The following B3GNT4 variants were observed in gnomAD, a reference collection of about 807,000 sequenced individuals.
The protein encoded by B3GNT4 is UDP-GlcNAc:betaGal beta-1,3-N-acetylglucosaminyltransferase 4, also known as N-acetyllactosaminide beta-1,3-N-acetylglucosaminyltransferase 4.
Under a neutral mutation model 2.7 loss-of-function variants are expected in B3GNT4, and 2 were observed. That is an observed-to-expected ratio of 0.73 (90% confidence interval 0.30 to 2.31). The LOEUF is 2.31. Among genes scored for constraint, B3GNT4 ranks in the 30% most tolerant of loss-of-function variants. B3GNT4 has a pLI of 0.12. For missense variants in B3GNT4, 708 were observed against 490.9 expected, an observed-to-expected ratio of 1.44 and a Z score of -4.18; for synonymous variants, 280 against 203.4, an observed-to-expected ratio of 1.38 and a Z score of -3.20.
rs754320135 is a variant in B3GNT4, at chr12:122,207,161, G to C, written c.910G>C (p.Asp304His). 1 of 1,613,838 alleles carries C rather than the reference G, an allele frequency of 6.2e-7. No homozygotes were observed. Among genetic ancestry groups the C allele is most frequent in the Non-Finnish European group, 8.5e-7 (1 of 1,179,956 alleles). ...IMEDAELFPI[D>H]DVFVGMCLRR... ...GGAAGATGCTGAACTCTTCCCCATT[G>C]ATGATGTCTTTGTGGGTATGTGCCT... is the stretch of plus-strand genomic sequence containing the variant. The change falls in exon 3 of 3, where the codon GAT (aspartate) becomes CAT (histidine). Residue 304 changes from aspartate to histidine, a missense_variant. By Grantham distance (81) the Asp-to-His change is moderately conservative. Coordinates refer to ENST00000324189, the MANE Select transcript of B3GNT4 (RefSeq NM_030765.4).
Position 122,207,222 on chromosome 12 carries a change from G to A in B3GNT4, c.971G>A (p.Gly324Asp), listed in dbSNP as rs772787556. The change falls in exon 3 of 3, where the codon GGC becomes GAC. Residue 324 changes from glycine (G) to aspartate (D), a missense_variant. Gly to Asp is a moderately conservative substitution (Grantham distance 94). Coordinates refer to ENST00000324189, the MANE Select transcript of B3GNT4 (RefSeq NM_030765.4). ...GGGCTGAGCCCTATGCACCATGCTG[G>A]CTTCAAGACATTTGGAATCCGGCGG... ...RLGLSPMHHA[G>D]FKTFGIRRPL... The A allele has an allele frequency of 5.6e-6, 9 of 1,614,092 alleles. No individual in the cohort carries two copies. The East Asian group carries it at 8.9e-5, about 16-fold the overall frequency.
Position 122,206,353 on chromosome 12 carries a change from C to T in B3GNT4, c.102C>T (p.Val34=). Residue 34 remains valine, a synonymous_variant, in exon 3 of 3, where the codon GTC becomes GTT. Coordinates refer to ENST00000324189, the MANE Select transcript of B3GNT4 (RefSeq NM_030765.4). ...PAMLCRLCWL[V]SYSLAVLLLG... is the part of the protein sequence containing the mutation. Reference sequence around the variant, plus strand: ...TGCTCTGCAGGCTGTGCTGGCTGGTCTCGTACAGCTTGGCTGTGCTGTTGC... The same window carrying T: ...TGCTCTGCAGGCTGTGCTGGCTGGTTTCGTACAGCTTGGCTGTGCTGTTGC... 1 of 1,600,122 alleles carries T rather than the reference C, an allele frequency of 6.2e-7. No individual in the cohort carries two copies. The highest frequency in any genetic ancestry group is 8.5e-7 in the Non-Finnish European group (1 of 1,174,144).
rs1269351521 is a variant in B3GNT4, at chr12:122,208,103, G to A, written c.*715G>A. On this transcript the variant is annotated 3_prime_UTR_variant, in exon 3 of 3. Coordinates refer to ENST00000324189, the MANE Select transcript of B3GNT4 (RefSeq NM_030765.4). ...TCTCTCTGACCCAGGTAGGCAAAAT[G>A]CTTTGGGTGTGAGGTAAAAAAAATG... 3.1e-6 allele frequency: 2 copies of A among 642,288 alleles called. No individual in the cohort carries two copies. Among genetic ancestry groups the A allele is most frequent in the Non-Finnish European group, 5.7e-6 (2 of 347,902 alleles). The allele number at this position is 642,288 out of a possible 1,614,324, so 39.8% of individuals were successfully genotyped here.
In B3GNT4 at chr12:122,206,752, A is replaced by T. The variant is rs1423512277; in HGVS notation, c.501A>T (p.Pro167=). ...FLLGVAGSAP[P]AQLLAYESRE... The stretch of plus-strand genomic sequence containing the variant: ...TAGGGGTGGCAGGATCCGCTCCCCC[A>T]GCCCAGCTGCTGGCCTATGAGAGTA... The change falls in exon 3 of 3, where the codon CCA becomes CCT. Residue 167 remains proline (P), a synonymous_variant. Coordinates refer to ENST00000324189, the MANE Select transcript of B3GNT4 (RefSeq NM_030765.4). The T allele has an allele frequency of 6.2e-7, 1 of 1,606,210 alleles. No homozygotes were observed. The highest frequency in any genetic ancestry group is 1.7e-5 in the Admixed American group (1 of 59,590).
Position 122,207,720 on chromosome 12 carries a change from C to T in B3GNT4, c.*332C>T. ...GATGCAAACAAAATCTTACACTCTT[C>T]TCCTTTGGATACAATAGAGAAACGG... On this transcript the variant is annotated 3_prime_UTR_variant, in exon 3 of 3. Transcript: ENST00000324189. The T allele has an allele frequency of 1.9e-6, 1 of 531,034 alleles. No individual in the cohort carries two copies. The highest frequency in any genetic ancestry group is 3.6e-6 in the Non-Finnish European group (1 of 277,644). 32.9% of individuals were successfully genotyped at this position (531,034 alleles called of 1,614,324 possible).
rs529236293 is a variant in B3GNT4, at chr12:122,207,045, C to T, written c.794C>T (p.Ser265Leu). 1.2e-6 allele frequency: 2 copies of T among 1,613,840 alleles called. No homozygotes were observed. Among genetic ancestry groups the T allele is most frequent in the East Asian group, 4.5e-5 (2 of 44,882 alleles). The stretch of plus-strand genomic sequence containing the variant: ...AAGGTCAAATACTTCATCCCACCCT[C>T]AATGTACAGGGCCACCCACTACCCA... Reference protein sequence around the residue: ...NTKVKYFIPPSMYRATHYPPY... With the variant: ...NTKVKYFIPPLMYRATHYPPY... The change falls in exon 3 of 3, where the codon TCA (serine) becomes TTA (leucine). Residue 265 changes from serine to leucine, a missense_variant. Physicochemically the swap from Ser to Leu is moderately radical, Grantham distance 145. Transcript: ENST00000324189.
intron 2 of B3GNT4, 101 bp downstream of exon 2, chr12:122,204,785 G>T: frequency 9.5e-7 from 1 of 1,048,424 alleles, no homozygotes; most frequent in Admixed American, 2.2e-5. Flanking sequence ...CACGCCTGTA[G>T]TCCCAACGCT....
Position 122,204,581 on chromosome 12 carries a change from G to C in B3GNT4, c.-38G>C. 2 of 1,534,580 alleles carry C rather than the reference G, an allele frequency of 1.3e-6. No homozygotes were observed. Among genetic ancestry groups the C allele is most frequent in the Non-Finnish European group, 1.8e-6 (2 of 1,111,786 alleles). On this transcript the variant is annotated 5_prime_UTR_variant, in exon 2 of 3. Coordinates refer to ENST00000324189, the MANE Select transcript of B3GNT4 (RefSeq NM_030765.4). The stretch of plus-strand genomic sequence containing the variant: ...TTCGACCCCGCCGCCGCCGCCGCCC[G>C]GCATCCTGAGCACGGAGACAGTCTC...
chr12:122,206,568 C>CT lies in B3GNT4; in HGVS notation c.318dup (p.Ile107TyrfsTer43), dbSNP rs747330092. 1.1e-5 allele frequency: 17 copies of CT among 1,614,122 alleles called. No homozygotes were observed. The highest frequency in any genetic ancestry group is 4.5e-5 in the East Asian group (2 of 44,892). On this transcript the variant is annotated frameshift_variant, in exon 3 of 3. Transcript: ENST00000324189. LOFTEE classifies it low-confidence loss of function (END_TRUNC). The stretch of plus-strand genomic sequence containing the variant: ...ACCTATCGTCACTGCCGAAATTTCT[C>CT]TATCTTGCTGGAGCCTTCAGGCTGT...
At chr12:122,204,099 C>T (rs1398156903) in intron 1 of B3GNT4, among the ~76,000 whole-genome samples, 4 of 151,840 alleles carry the variant, frequency 2.6e-5, no homozygotes, top group Admixed American at 2.0e-4. Context: ...CTGCTGCCAA[C>T]CCCGGCCCGG....
Position 122,208,183 on chromosome 12 carries a change from A to G in B3GNT4, c.*795A>G. ...AATGTTAAACAGGGTGCAGTGCCCA[A>G]GGGCTAAGAACCAGGTCCAGCGCAA... is the stretch of plus-strand genomic sequence containing the variant. On this transcript the variant is annotated 3_prime_UTR_variant, in exon 3 of 3. Transcript: ENST00000324189. 1 of 719,616 alleles carries G rather than the reference A, an allele frequency of 1.4e-6. No individual in the cohort carries two copies. 44.6% of individuals were successfully genotyped at this position (719,616 alleles called of 1,614,324 possible).
In B3GNT4 at chr12:122,206,631, A is replaced by G. The variant is rs1350427537; in HGVS notation, c.380A>G (p.Gln127Arg). The G allele has an allele frequency of 6.2e-7, 1 of 1,613,980 alleles. No individual in the cohort carries two copies. ...TTCTTGCTCCTGGCCATCAAGTCACAGCCTGGTCACGTGGAGCGACGTGCG... is the reference window on the plus strand; with the variant it reads ...TTCTTGCTCCTGGCCATCAAGTCACGGCCTGGTCACGTGGAGCGACGTGCG... ...DTFLLLAIKS[Q>R]PGHVERRAAI... is the part of the protein sequence containing the mutation. The change falls in exon 3 of 3, where the codon CAG (glutamine) becomes CGG (arginine). Residue 127 changes from glutamine to arginine, a missense_variant. Coordinates refer to ENST00000324189, the MANE Select transcript of B3GNT4 (RefSeq NM_030765.4).
At position 122,206,703 on chromosome 12, in the gene B3GNT4, G is replaced by A. The variant is rs771029308; in HGVS notation, c.452G>A (p.Arg151Gln). ...WGRVGGWARG[R>Q]QLKLVFLLGV... ...AGGGTGGGGGGATGGGCTAGGGGCC[G>A]GCAGCTGAAGCTGGTGTTCCTCCTA... Residue 151 changes from arginine to glutamine, a missense_variant, in exon 3 of 3, where the codon CGG becomes CAG. Coordinates refer to ENST00000324189, the MANE Select transcript of B3GNT4 (RefSeq NM_030765.4). 2.1e-5 allele frequency: 34 copies of A among 1,610,120 alleles called. No individual in the cohort carries two copies. The highest frequency in any genetic ancestry group is 1.6e-4 in the Middle Eastern group (1 of 6,074).
At position 122,208,576 on chromosome 12, in the gene B3GNT4, G is replaced by A. The variant is rs753638530; in HGVS notation, c.*1188G>A. 72 of 1,611,702 alleles carry A rather than the reference G, an allele frequency of 4.5e-5. No homozygotes were observed. The highest frequency in any genetic ancestry group is 5.6e-5 in the Non-Finnish European group (66 of 1,179,946). On this transcript the variant is annotated 3_prime_UTR_variant, in exon 3 of 3. Transcript: ENST00000324189. ...TGGCGGTTATAGAGGCCTGATCTGC[G>A]CCTGCCAAAAGATGGGACAATCGGG...
At position 122,204,645 on chromosome 12, in the gene B3GNT4, C is replaced by G; in HGVS notation, c.27C>G (p.Ala9=). The G allele has an allele frequency of 1.9e-6, 3 of 1,612,014 alleles. No homozygotes were observed. Among genetic ancestry groups the G allele is most frequent in the Non-Finnish European group, 2.5e-6 (3 of 1,178,186 alleles). MLPPQPSA[A]HQGRGGRSGL... ...TGCTTCCTCCCCAGCCTTCCGCAGCCCACCAGGGAAGGGGCGGTAGGAGTG... is the reference window on the plus strand; with the variant it reads ...TGCTTCCTCCCCAGCCTTCCGCAGCGCACCAGGGAAGGGGCGGTAGGAGTG... Residue 9 remains alanine, a synonymous_variant, in exon 2 of 3, where the codon GCC becomes GCG. Transcript: ENST00000324189.
Position 122,206,510 on chromosome 12 carries a change from C to CT in B3GNT4, c.260dup (p.Ser88ValfsTer4). ...CAACCACACAGTGTCTAGCGCCTCT[C>CT]TGTCCCTGCCTAGCCGTCACCGTCT... On this transcript the variant is annotated frameshift_variant, in exon 3 of 3. Transcript: ENST00000324189. LOFTEE classifies it low-confidence loss of function (END_TRUNC). 1 of 1,614,214 alleles carries CT rather than the reference C, an allele frequency of 6.2e-7. No individual in the cohort carries two copies. The highest frequency in any genetic ancestry group is 8.5e-7 in the Non-Finnish European group (1 of 1,180,026).
rs780720644 is a variant in B3GNT4, at chr12:122,207,039, C to T, written c.788C>T (p.Pro263Leu). The T allele has an allele frequency of 1.2e-6, 2 of 1,613,666 alleles. No individual in the cohort carries two copies. Among genetic ancestry groups the T allele is most frequent in the Non-Finnish European group, 1.7e-6 (2 of 1,179,844 alleles). The part of the protein sequence containing the change: ...NRNTKVKYFI[P>L]PSMYRATHYP... Reference sequence around the variant, plus strand: ...AACACTAAGGTCAAATACTTCATCCCACCCTCAATGTACAGGGCCACCCAC... The same window carrying T: ...AACACTAAGGTCAAATACTTCATCCTACCCTCAATGTACAGGGCCACCCAC... Residue 263 changes from proline to leucine, a missense_variant, in exon 3 of 3, where the codon CCA becomes CTA. Transcript: ENST00000324189.
chr12:122,207,464 C>A lies in B3GNT4; in HGVS notation c.*76C>A. Reference sequence around the variant, plus strand: ...CGTGATGCGAAATTGATGCCTGCTGCTCTACAGAAAATGCCAACTTGGTTT... The same window carrying A: ...CGTGATGCGAAATTGATGCCTGCTGATCTACAGAAAATGCCAACTTGGTTT... On this transcript the variant is annotated 3_prime_UTR_variant, in exon 3 of 3. Coordinates refer to ENST00000324189, the MANE Select transcript of B3GNT4 (RefSeq NM_030765.4). 2 of 1,353,824 alleles carry A rather than the reference C, an allele frequency of 1.5e-6. No individual in the cohort carries two copies. Among genetic ancestry groups the A allele is most frequent in the Non-Finnish European group, 2.0e-6 (2 of 1,017,690 alleles). 83.9% of individuals were successfully genotyped at this position (1,353,824 alleles called of 1,614,324 possible). A position where few individuals can be genotyped will look rare whatever the true frequency, so the allele number is the denominator to read the frequency against.
chr12:122,207,569 C>A lies in B3GNT4; in HGVS notation c.*181C>A. 1.5e-6 allele frequency: 1 copy of A among 686,418 alleles called. No individual in the cohort carries two copies. The highest frequency in any genetic ancestry group is 1.9e-5 in the South Asian group (1 of 52,312). The allele number at this position is 686,418 out of a possible 1,614,324, so 42.5% of individuals were successfully genotyped here. A position where few individuals can be genotyped will look rare whatever the true frequency, so the allele number is the denominator to read the frequency against. ...TTGTCCAGCATATGTTGAATGGGAG[C>A]CAAAGTGTAGCAAATGCTGCCAGGA... On this transcript the variant is annotated 3_prime_UTR_variant, in exon 3 of 3. Transcript: ENST00000324189.
Sources: gnomAD v4.1 joint callset for allele counts (sites outside exome capture counted in the v4.1 genomes callset) on GRCh38, gnomAD v4.1.1 for gene constraint, MANE v1.5 for transcripts, NCBI Gene and HGNC (gene_info 2026-07-23, HGNC 2026-07-21) for gene names.